UBE2K: variants seen among roughly 807,000 people sequenced by gnomAD.
The protein encoded by UBE2K is ubiquitin-conjugating enzyme E2 K.
A neutral mutation model predicts 30.0 loss-of-function variants in UBE2K; 6 were observed. That is an observed-to-expected ratio of 0.20 (90% CI 0.11 to 0.39). The LOEUF is 0.39. Among genes scored for constraint, UBE2K ranks in the 10% least tolerant of loss-of-function variants. The probability of loss-of-function intolerance (pLI) is 1.00; values close to 1 mark genes in which losing one functional copy is unlikely to be tolerated. For missense variants in UBE2K, 61 were observed against 241.6 expected (o/e 0.25, Z 4.96); for synonymous variants, 86 against 83.7 (o/e 1.03, Z -0.15).
chr4:39,765,132 G>T (rs533282073), intron 4 of UBE2K, among the ~76,000 whole-genome samples: 1 of 152,108 alleles, frequency 6.6e-6, no homozygotes, highest in Non-Finnish European at 1.5e-5. Context: ...TGATCCGCCC[G>T]CCTTGGCCTC....
At chr4:39,706,793 C>G (rs1718392753) in intron 1 of UBE2K, among the ~76,000 whole-genome samples, 1 of 151,916 alleles carries the variant, frequency 6.6e-6, no homozygotes, top group African/African-American at 2.4e-5. Flanking sequence ...ACATGTTGAC[C>G]ACAGCCCCAA....
rs569030695 is a variant in UBE2K, at chr4:39,760,820, C to T, written c.299+5081C>T. Among the ~76,000 whole-genome samples, 5 of 151,900 alleles carry T rather than the reference C, an allele frequency of 3.3e-5. No individual in the cohort carries two copies. The East Asian group carries it at 5.8e-4, about 18-fold the overall frequency. ...AAAAATTAAAACAAATAAAAAAATA[C>T]GATAGTGGTGAGGGTGGGCAGGAGT... On this transcript the variant is annotated intron_variant, in intron 4 of 6. Transcript: ENST00000261427.
At chr4:39,714,546 A>ATTTTTTTTTTT (rs879776892) in intron 1 of UBE2K, 423 of 25,196 alleles carry the variant, frequency 0.017, 34 homozygotes, top group East Asian at 0.023. Context: ...ATATATATAT[A>ATTTTTTTTTTT]TATATTTTTT....
chr4:39,704,459 C>T (rs981842346), intron 1 of UBE2K, among the ~76,000 whole-genome samples: 1 of 151,956 alleles, frequency 6.6e-6, no homozygotes, highest in African/African-American at 2.4e-5. Context: ...GGGTGAATTC[C>T]TTGTATACAG....
At chr4:39,764,869 G>T (rs1274345948) in intron 4 of UBE2K, among the ~76,000 whole-genome samples, 3 of 145,446 alleles carry the variant, frequency 2.1e-5, no homozygotes, top group Non-Finnish European at 4.5e-5. Context: ...AAGGATTTTT[G>T]AATCTCTAAG....
intron 1 of UBE2K, among the ~76,000 whole-genome samples, chr4:39,736,245 G>A (rs1434721023): frequency 6.6e-6 from 1 of 152,116 alleles, no homozygotes; most frequent in Non-Finnish European, 1.5e-5. Context: ...GGCGTATCGC[G>A]AGGTCAGGAG....
At position 39,745,023 on chromosome 4, in the gene UBE2K, T is replaced by C. The variant is rs7695000; in HGVS notation, c.158-729T>C. ...TTGCTTAAAAAATAAAAAATATATT[T>C]AAAGTTTTTTATATTAAAATAGAGA... On this transcript the variant is annotated intron_variant, in intron 2 of 6. Coordinates refer to ENST00000261427, the MANE Select transcript of UBE2K (RefSeq NM_005339.5). Among the ~76,000 whole-genome samples, 1,313 of 151,950 alleles carry C rather than the reference T, an allele frequency of 8.6e-3. 14 individuals carry two copies. The highest frequency in any genetic ancestry group is 0.03 in the African/African-American group (1,228 of 41,516).
intron 4 of UBE2K, among the ~76,000 whole-genome samples, chr4:39,760,380 A>G (rs765419816): frequency 6.6e-6 from 1 of 152,102 alleles, no homozygotes; most frequent in African/African-American, 2.4e-5. Flanking sequence ...AGATTTATTA[A>G]TAGCCCCAAC....
chr4:39,703,847 A>C (rs1483334954), intron 1 of UBE2K, among the ~76,000 whole-genome samples: 1 of 105,228 alleles, frequency 9.5e-6, no homozygotes, highest in Non-Finnish European at 1.7e-5. Flanking sequence ...TCCATCTCAA[A>C]AAAAAAAAAA....
At chr4:39,773,816 G>C (rs879288553) in intron 4 of UBE2K, among the ~76,000 whole-genome samples, 20 of 152,158 alleles carry the variant, frequency 1.3e-4, no homozygotes, top group Non-Finnish European at 2.8e-4. Flanking sequence ...AGCTACTCGG[G>C]AGGCTGAGGC....
chr4:39,717,953 G>A (rs1469732925), intron 1 of UBE2K, among the ~76,000 whole-genome samples: 1 of 147,608 alleles, frequency 6.8e-6, no homozygotes, highest in Non-Finnish European at 1.5e-5. Flanking sequence ...TGAAGCTGCA[G>A]ACCTTTGCGG....
chr4:39,772,579 G>GA (rs56102762), intron 4 of UBE2K, among the ~76,000 whole-genome samples: 14,615 of 108,098 alleles, frequency 0.14, 999 homozygotes, highest in African/African-American at 0.22. Context: ...CTCAAAAAAA[G>GA]AAAAAAAGAA....
intron 4 of UBE2K, among the ~76,000 whole-genome samples, chr4:39,765,591 G>A (rs1320315885): frequency 6.6e-6 from 1 of 152,086 alleles, no homozygotes; most frequent in Non-Finnish European, 1.5e-5. Context: ...AGGCCGAGAT[G>A]GATGGATCAC....
chr4:39,771,482 T>A (rs1353838239), intron 4 of UBE2K: 7 of 1,505,640 alleles, frequency 4.6e-6, no homozygotes, highest in African/African-American at 2.8e-5. Flanking sequence ...GCGCTGTTTT[T>A]TTTTAATCCC....
chr4:39,710,779 C>T (rs553512848), intron 1 of UBE2K, among the ~76,000 whole-genome samples: 1 of 152,178 alleles, frequency 6.6e-6, no homozygotes, highest in African/African-American at 2.4e-5. Flanking sequence ...TTGCTCCCTA[C>T]ATTTTTGAAG....
intron 1 of UBE2K, among the ~76,000 whole-genome samples, chr4:39,728,220 C>G (rs1226962887): frequency 6.6e-6 from 1 of 152,044 alleles, no homozygotes; most frequent in Admixed American, 6.6e-5. Flanking sequence ...AGCTTTGTGA[C>G]TTTGTTGCCT....
At chr4:39,700,307 A>G (rs1230959153) in intron 1 of UBE2K, among the ~76,000 whole-genome samples, 2 of 152,200 alleles carry the variant, frequency 1.3e-5, no homozygotes, top group Non-Finnish European at 2.9e-5. Flanking sequence ...GCCTTACTTC[A>G]GATAAGCATC....
At chr4:39,759,507 C>T (rs1711748716) in intron 4 of UBE2K, among the ~76,000 whole-genome samples, 1 of 152,178 alleles carries the variant, frequency 6.6e-6, no homozygotes, top group Non-Finnish European at 1.5e-5. Flanking sequence ...TGGTCTCAAA[C>T]TCCTGACCTC....
chr4:39,763,173 G>A (rs1204845684), intron 4 of UBE2K, among the ~76,000 whole-genome samples: 2 of 151,214 alleles, frequency 1.3e-5, no homozygotes, highest in Non-Finnish European at 2.9e-5. Context: ...GAATTCCTGG[G>A]CTCAAGTGAT....
Sources: gnomAD v4.1 joint callset for allele counts (sites outside exome capture counted in the v4.1 genomes callset) on GRCh38, gnomAD v4.1.1 for gene constraint, MANE v1.5 for transcripts, NCBI Gene and HGNC (gene_info 2026-07-23, HGNC 2026-07-21) for gene names.